The following SMYD3 variants were observed in gnomAD, a reference collection of about 807,000 sequenced individuals.
SMYD3 encodes SET and MYND domain containing 3.
Under a neutral mutation model 57.7 loss-of-function variants are expected in SMYD3, and 36 were observed. The observed-to-expected ratio is 0.62, with a 90% CI of 0.48 to 0.82. SMYD3 has a LOEUF of 0.82. Ranked by LOEUF, SMYD3 falls within the 40% of genes least tolerant of loss-of-function variation. The pLI, the probability that SMYD3 is intolerant of heterozygous loss-of-function variation, is 0.00. For synonymous variants in SMYD3, 211 were observed against 195.0 expected, an observed-to-expected ratio of 1.08 and a Z score of -0.68; for missense variants, 515 against 538.8, an observed-to-expected ratio of 0.96 and a Z score of 0.44.
intron 5 of SMYD3, among the ~76,000 whole-genome samples, chr1:246,120,382 C>A (rs1449060915): frequency 1.3e-5 from 2 of 152,114 alleles, no homozygotes; most frequent in East Asian, 3.9e-4. Context: ...AGACCTTAAT[C>A]CACCCTCTAC....
intron 10 of SMYD3, among the ~76,000 whole-genome samples, chr1:245,812,175 T>C (rs568239811): frequency 4.3e-4 from 65 of 152,274 alleles, no homozygotes; most frequent in African/African-American, 1.3e-3. Flanking sequence ...GGTGGACCTT[T>C]TTCTCTCCCA....
At chr1:245,777,852 A>C (rs992040617) in intron 10 of SMYD3, among the ~76,000 whole-genome samples, 4 of 152,212 alleles carry the variant, frequency 2.6e-5, no homozygotes, top group Non-Finnish European at 5.9e-5. Flanking sequence ...AATACACCAC[A>C]AAATGCTCAC....
chr1:245,927,807 C>T (rs1346693319), intron 7 of SMYD3, 124 bp downstream of exon 7: 2 of 702,550 alleles, frequency 2.8e-6, no homozygotes, highest in Non-Finnish European at 5.0e-6. Context: ...ACTACAAATA[C>T]TCTCACTGGC....
intron 5 of SMYD3, among the ~76,000 whole-genome samples, chr1:246,251,300 C>T (rs1222520610): frequency 6.6e-6 from 1 of 152,232 alleles, no homozygotes; most frequent in Non-Finnish European, 1.5e-5. Context: ...AGTGACTTTA[C>T]TTGGAATATT....
chr1:246,186,695 G>A (rs1323011121), intron 5 of SMYD3: 12 of 953,994 alleles, frequency 1.3e-5, no homozygotes, highest in African/African-American at 3.5e-5. Flanking sequence ...GTCTGGCACT[G>A]TCAATGTCCA....
chr1:245,778,951 G>C (rs1455216478), intron 10 of SMYD3, among the ~76,000 whole-genome samples: 1 of 152,122 alleles, frequency 6.6e-6, no homozygotes, highest in Admixed American at 6.5e-5. Context: ...CTTGAGGCCA[G>C]GAGTTCGAGA....
intron 1 of SMYD3, among the ~76,000 whole-genome samples, chr1:246,469,044 A>G (rs1208299385): frequency 1.3e-5 from 2 of 152,188 alleles, no homozygotes; most frequent in Non-Finnish European, 2.9e-5. Context: ...TGGCCCATTC[A>G]GTACCTCCAC....
At chr1:245,909,128 A>G (rs1480662917) in intron 8 of SMYD3, among the ~76,000 whole-genome samples, 1 of 152,284 alleles carries the variant, frequency 6.6e-6, no homozygotes, top group Non-Finnish European at 1.5e-5. Flanking sequence ...GGGACATTAT[A>G]CCAGATTCCC....
intron 1 of SMYD3, chr1:246,426,168 G>T (rs1437607496): frequency 6.6e-6 from 1 of 151,974 alleles, no homozygotes; most frequent in Non-Finnish European, 1.5e-5. Context: ...GAAGGCTTTT[G>T]ATTTTTCCAT....
intron 5 of SMYD3, among the ~76,000 whole-genome samples, chr1:246,323,561 G>A (rs576355109): frequency 4.6e-5 from 7 of 152,246 alleles, no homozygotes; most frequent in African/African-American, 1.4e-4. Flanking sequence ...ACCAGACGAC[G>A]AAATATGCTC....
At chr1:245,993,578 AAAGATAGATAGAT>A (rs1558566103) in intron 5 of SMYD3, among the ~76,000 whole-genome samples, 10 of 24,182 alleles carry the variant, frequency 4.1e-4, no homozygotes, top group South Asian at 1.7e-3. Flanking sequence ...CAAAAAAAAA[AAAGATAGATAGAT>A]AGATAGATAG....
At chr1:245,980,956 G>C (rs575262853) in intron 5 of SMYD3, among the ~76,000 whole-genome samples, 2 of 152,318 alleles carry the variant, frequency 1.3e-5, no homozygotes, top group East Asian at 3.9e-4. Context: ...GAGCTACAAG[G>C]CAGAGTAAAG....
At chr1:245,978,523 G>A (rs769984803) in intron 5 of SMYD3, among the ~76,000 whole-genome samples, 5 of 152,228 alleles carry the variant, frequency 3.3e-5, no homozygotes, top group East Asian at 1.9e-4. Flanking sequence ...TCTACTTCAC[G>A]AGTGGGTAGA....
chr1:246,027,880 C>A (rs1034713226), intron 5 of SMYD3, among the ~76,000 whole-genome samples: 1 of 152,188 alleles, frequency 6.6e-6, no homozygotes, highest in Non-Finnish European at 1.5e-5. Flanking sequence ...AAATTGAAAA[C>A]CTTCTGGAAA....
intron 2 of SMYD3, among the ~76,000 whole-genome samples, chr1:246,343,236 C>T (rs915862264): frequency 6.6e-6 from 1 of 152,238 alleles, no homozygotes; most frequent in Non-Finnish European, 1.5e-5. Context: ...TGCACTTCCA[C>T]AGACTTCCAA....
At chr1:245,799,943 C>A (rs181804416) in intron 10 of SMYD3, among the ~76,000 whole-genome samples, 1 of 152,326 alleles carries the variant, frequency 6.6e-6, no homozygotes, top group Non-Finnish European at 1.5e-5. Context: ...GAATTCACAC[C>A]AATGTGCAAA....
At chr1:245,910,261 T>C (rs192626055) in intron 8 of SMYD3, among the ~76,000 whole-genome samples, 1 of 152,228 alleles carries the variant, frequency 6.6e-6, no homozygotes, top group Non-Finnish European at 1.5e-5. Flanking sequence ...GTGAGATCTC[T>C]ACAATAAAAG....
intron 1 of SMYD3, among the ~76,000 whole-genome samples, chr1:246,421,343 C>T (rs971711076): frequency 6.6e-6 from 1 of 151,470 alleles, no homozygotes; most frequent in African/African-American, 2.4e-5. Context: ...TTCTGTAAAC[C>T]AGTAAAAGTT....
Position 246,355,058 on chromosome 1 carries a change from G to A in SMYD3, c.201C>T (p.Val67=), listed in dbSNP as rs11544849. 4.1e-3 allele frequency: 6,568 copies of A among 1,614,122 alleles called. 237 individuals are homozygous for A. The African/African-American group carries it at 0.076, about 19-fold the overall frequency. The part of the protein sequence containing the change: ...EKLMRCSQCR[V]AKYCSAKCQK... ...GACACTTAGCACTACAGTATTTGGCGACGCGGCACTGAGAGCATCGCATCA... is the reference window on the plus strand; with the variant it reads ...GACACTTAGCACTACAGTATTTGGCAACGCGGCACTGAGAGCATCGCATCA... Residue 67 remains valine (V), a synonymous_variant, in exon 2 of 12, where the codon GTC becomes GTT. Transcript: ENST00000490107. This position sits in a 1 kb window ranked among gnomAD's most constrained non-coding sequence, Gnocchi z 5.0.
Sources: allele counts gnomAD v4.1 joint callset (sites outside exome capture counted in the v4.1 genomes callset), GRCh38; gene constraint gnomAD v4.1.1; non-coding constraint Gnocchi (gnomAD v3.1); transcripts MANE v1.5; gene names NCBI Gene and HGNC (gene_info 2026-07-23, HGNC 2026-07-21).